Variants in MED15 observed in about 807,000 individuals in gnomAD.
MED15 encodes the protein mediator of RNA polymerase II transcription subunit 15.
A neutral mutation model predicts 118.7 loss-of-function variants in MED15; 41 were observed. That is an observed-to-expected ratio of 0.35 (90% confidence interval 0.27 to 0.45). The LOEUF (loss-of-function observed/expected upper bound fraction) is 0.45. Ranked by LOEUF, MED15 falls within the 20% of genes least tolerant of loss-of-function variation. The pLI is 1.00. For missense variants in MED15, 740 were observed against 1,025.5 expected (o/e 0.72, Z 3.80); for synonymous variants, 436 against 413.9 (o/e 1.05, Z -0.65).
At chr22:20,521,114 T>TTTAGACGG (rs2054435926) in intron 1 of MED15, among the ~76,000 whole-genome samples, 1 of 128,256 alleles carries the variant, frequency 7.8e-6, no homozygotes, top group African/African-American at 3.1e-5. Context: ...TTTTTTTTTT[T>TTTAGACGG]GAGATGGAGT....
At chr22:20,508,132 A>T (rs1385480054) in intron 1 of MED15, 1 of 1,236,450 alleles carries the variant, frequency 8.1e-7, no homozygotes, top group Non-Finnish European at 1.0e-6. Flanking sequence ...TCTCTTCCAG[A>T]AAAGCGCATC....
intron 3 of MED15, chr22:20,551,893 A>G (rs1217357257): frequency 8.0e-6 from 2 of 249,804 alleles, no homozygotes; most frequent in Non-Finnish European, 1.6e-5. Flanking sequence ...TTTTCCCTCC[A>G]GACTAGAAGC....
At chr22:20,526,556 T>C (rs1241746949) in intron 1 of MED15, among the ~76,000 whole-genome samples, 2 of 152,248 alleles carry the variant, frequency 1.3e-5, no homozygotes, top group Non-Finnish European at 2.9e-5. Flanking sequence ...AATTGCTTGT[T>C]ATTTTTTTCC....
intron 1 of MED15, among the ~76,000 whole-genome samples, chr22:20,512,117 T>C (rs1255941481): frequency 6.6e-6 from 1 of 151,128 alleles, no homozygotes; most frequent in African/African-American, 2.4e-5. Flanking sequence ...GCCTTCTGAG[T>C]AGCTGGGACT....
intron 1 of MED15, among the ~76,000 whole-genome samples, chr22:20,510,162 G>A (rs992564378): frequency 3.9e-5 from 6 of 152,056 alleles, no homozygotes; most frequent in Non-Finnish European, 7.4e-5. Context: ...TGAGGCAGGC[G>A]GATCACGAGG....
chr22:20,566,454 G>T lies in MED15; in HGVS notation c.691-13G>T. On this transcript the variant is annotated splice_polypyrimidine_tract_variant and intron_variant, in intron 6 of 17. Transcript: ENST00000263205. Reference sequence around the variant, plus strand: ...GATGAGTGATAACCGAGTGCTGCTTGTTCTGTCTCTAGATACAGCAGCAGC... The same window carrying T: ...GATGAGTGATAACCGAGTGCTGCTTTTTCTGTCTCTAGATACAGCAGCAGC... The T allele has an allele frequency of 6.2e-7, 1 of 1,610,758 alleles. No homozygotes were observed. Among genetic ancestry groups the T allele is most frequent in the South Asian group, 1.1e-5 (1 of 91,006 alleles).
At chr22:20,558,497 T>G (rs991446126) in intron 5 of MED15, among the ~76,000 whole-genome samples, 2 of 152,220 alleles carry the variant, frequency 1.3e-5, no homozygotes, top group Admixed American at 6.5e-5. Flanking sequence ...CTGCGCATTT[T>G]TGTTTCTCAT....
chr22:20,586,916 C>A lies in MED15; in HGVS notation c.*212C>A. 1 of 699,892 alleles carries A rather than the reference C, an allele frequency of 1.4e-6. No homozygotes were observed. The highest frequency in any genetic ancestry group is 2.3e-6 in the Non-Finnish European group (1 of 439,636). 43.4% of individuals were successfully genotyped at this position (699,892 alleles called of 1,614,324 possible). On this transcript the variant is annotated 3_prime_UTR_variant, in exon 18 of 18. Transcript: ENST00000263205. ...AGCGGGTTGCTTGGGGGGCGTTGGC[C>A]GACTTCTTAGAGAAGGCCCTCCATG...
chr22:20,512,310 A>C (rs2054099338), intron 1 of MED15, among the ~76,000 whole-genome samples: 1 of 151,714 alleles, frequency 6.6e-6, no homozygotes, highest in Non-Finnish European at 1.5e-5. Context: ...CTTTTTAACC[A>C]ATTTATTATC....
At chr22:20,519,058 TGTC>T in intron 1 of MED15, 1 of 339,596 alleles carries the variant, frequency 2.9e-6, no homozygotes, top group South Asian at 2.2e-5. Flanking sequence ...TTTGCCATGT[TGTC>T]CAGGCTGGTC....
At chr22:20,548,586 G>A (rs537685168) in intron 2 of MED15, among the ~76,000 whole-genome samples, 4 of 152,312 alleles carry the variant, frequency 2.6e-5, no homozygotes, top group East Asian at 1.9e-4. Context: ...CTGGGTTGTC[G>A]ATTTTCAATT....
chr22:20,543,055 A>T (rs1569199312), intron 2 of MED15, among the ~76,000 whole-genome samples: 1 of 151,656 alleles, frequency 6.6e-6, no homozygotes, highest in South Asian at 2.1e-4. Context: ...TTCCCAAATC[A>T]TTAAGTCTAG....
intron 5 of MED15, among the ~76,000 whole-genome samples, chr22:20,563,010 T>G (rs2056303292): frequency 1.3e-5 from 2 of 151,470 alleles, no homozygotes; most frequent in Admixed American, 1.3e-4. Flanking sequence ...CAGTCCAGAC[T>G]GGGCAACAGA....
At chr22:20,546,860 T>G (rs1235267489) in intron 2 of MED15, among the ~76,000 whole-genome samples, 5 of 152,170 alleles carry the variant, frequency 3.3e-5, no homozygotes, top group African/African-American at 1.2e-4. Context: ...GAGTGAACCC[T>G]GGGGACTTCT....
intron 17 of MED15, among the ~76,000 whole-genome samples, chr22:20,586,241 C>G (rs1471918544): frequency 6.6e-6 from 1 of 152,170 alleles, no homozygotes; most frequent in Admixed American, 6.5e-5. Flanking sequence ...GCTGTGGCTC[C>G]AGAGAGAACC....
chr22:20,516,019 T>G (rs1246076917), intron 1 of MED15, among the ~76,000 whole-genome samples: 3 of 138,720 alleles, frequency 2.2e-5, no homozygotes, highest in African/African-American at 8.2e-5. Context: ...CAAAAAAAAT[T>G]AAAAATAAAT....
At chr22:20,509,617 A>G (rs1329115433) in intron 1 of MED15, among the ~76,000 whole-genome samples, 2 of 152,072 alleles carry the variant, frequency 1.3e-5, no homozygotes, top group Non-Finnish European at 2.9e-5. Flanking sequence ...TGTGGAAGGA[A>G]GGAAGCCGGG....
chr22:20,548,150 G>GT (rs752477480), intron 2 of MED15, among the ~76,000 whole-genome samples: 29 of 149,968 alleles, frequency 1.9e-4, no homozygotes, highest in East Asian at 9.3e-4. Flanking sequence ...GCTTTGATTT[G>GT]TTTTTTTTGT....
chr22:20,551,324 C>A, intron 2 of MED15, 112 bp from the exon 3 acceptor site: 1 of 964,764 alleles, frequency 1.0e-6, no homozygotes, highest in Non-Finnish European at 1.7e-6. Context: ...TCTGAATCTG[C>A]CTTGCAGGAT....
Sources: gnomAD v4.1 joint callset for allele counts (sites outside exome capture counted in the v4.1 genomes callset) on GRCh38, gnomAD v4.1.1 for gene constraint, MANE v1.5 for transcripts, NCBI Gene and HGNC (gene_info 2026-07-23, HGNC 2026-07-21) for gene names.